The following GABRE variants were observed in gnomAD, a reference collection of about 807,000 sequenced individuals.
The protein encoded by GABRE is gamma-aminobutyric acid type A receptor subunit epsilon, also known as gamma-aminobutyric acid receptor subunit epsilon.
In GABRE, 20 loss-of-function variants were observed where a neutral mutation model predicts 31.0. The observed-to-expected ratio is 0.64, with a 90% confidence interval of 0.45 to 0.94. The LOEUF (loss-of-function observed/expected upper bound fraction) is 0.94. Among genes scored for constraint, GABRE ranks in the 40% least tolerant of loss-of-function variants. The pLI is 0.00. For missense variants in GABRE, 420 were observed against 410.7 expected, an observed-to-expected ratio of 1.02 and a Z score of -0.20; for synonymous variants, 155 against 150.6, an observed-to-expected ratio of 1.03 and a Z score of -0.21.
chrX:151,968,063 ACT>A (rs1300673398), intron 3 of GABRE, among the ~76,000 whole-genome samples: 1 of 112,142 alleles, frequency 8.9e-6, no homozygotes, highest in Non-Finnish European at 1.9e-5. Context: ...CTTCTCTCAT[ACT>A]CTTCCTCACT....
In GABRE at chrX:151,961,651, G is replaced by A. The variant is rs755966257; in HGVS notation, c.564-286C>T. Among the ~76,000 whole-genome samples the A allele has an allele frequency of 2.7e-5, 3 of 110,796 alleles. No individual in the cohort carries two copies. In the South Asian group the frequency reaches 1.1e-3, roughly 42 times the overall value. On this transcript the variant is annotated intron_variant, in intron 4 of 8. Transcript: ENST00000370328. Reference sequence around the variant, plus strand: ...ATTTTTGCATTTTTAGTGGAGACAGGGTTTTCCCATGATGGCCAGGCTGGT... The same window carrying A: ...ATTTTTGCATTTTTAGTGGAGACAGAGTTTTCCCATGATGGCCAGGCTGGT...
Position 151,954,905 on chromosome X carries a change from G to C in GABRE, c.1317C>G (p.Ser439Arg). 7.4e-6 allele frequency: 9 copies of C among 1,210,836 alleles called. No individual in the cohort carries two copies. The highest frequency in any genetic ancestry group is 2.3e-4 in the Middle Eastern group (1 of 4,351). ...PSPGSPEGPR[S>R]LCSKLACCEW... The stretch of plus-strand genomic sequence containing the variant: ...CACAGCAGGCCAGCTTGGAGCAGAG[G>C]CTGCGGGGACCCTCAGGGCTACCTG... The change falls in exon 9 of 9, where the codon AGC becomes AGG. Residue 439 changes from serine (S) to arginine (R), a missense_variant. Transcript: ENST00000370328.
intron 6 of GABRE, 43 bp from the exon 7 acceptor site, chrX:151,955,903 G>T (rs781750336): frequency 8.5e-7 from 1 of 1,178,803 alleles, no homozygotes; most frequent in South Asian, 1.8e-5. Flanking sequence ...GTGCTGACAC[G>T]ACGGTCCCCC....
At chrX:151,971,134 ACTCACC>A in intron 1 of GABRE, 2 of 846,199 alleles carry the variant, frequency 2.4e-6, no homozygotes, top group Admixed American at 1.1e-4. Flanking sequence ...AAGGTATGAA[ACTCACC>A]GATGGTGTTA....
chrX:151,953,369 G>C lies in GABRE; in HGVS notation c.*1332C>G, dbSNP rs1934015787. 1 of 111,200 alleles carries C rather than the reference G, an allele frequency of 9.0e-6. No individual in the cohort carries two copies. Among genetic ancestry groups the C allele is most frequent in the Admixed American group, 9.6e-5 (1 of 10,409 alleles). 9.2% of individuals were successfully genotyped at this position (111,200 alleles called of 1,213,427 possible). On this transcript the variant is annotated 3_prime_UTR_variant, in exon 9 of 9. Transcript: ENST00000370328. ...GAGCTAAAGAGAGGTCGCCATTCTG[G>C]GCCTTGCCACTGGTGTGCCAGCAGA... is the stretch of plus-strand genomic sequence containing the variant.
chrX:151,955,998 T>C (rs926490128), intron 6 of GABRE, 138 bp from the exon 7 acceptor site: 1 of 597,527 alleles, frequency 1.7e-6, no homozygotes, highest in Admixed American at 3.3e-5. Flanking sequence ...ATGCAATACA[T>C]ACAAATAGGA....
intron 1 of GABRE, chrX:151,972,381 T>G (rs1934735756): frequency 1.3e-6 from 1 of 751,430 alleles, no homozygotes; most frequent in Non-Finnish European, 1.6e-6. Context: ...TAAGGGCCAG[T>G]GACTATGGGA....
rs55666211 is a variant in GABRE at position 151,955,770 on chromosome X, G to T, written c.875C>A (p.Thr292Lys). The change falls in exon 7 of 9, where the codon ACG becomes AAG. Residue 292 changes from threonine (T) to lysine (K), a missense_variant. Physicochemically the swap from Thr to Lys is moderately conservative, Grantham distance 78. Coordinates refer to ENST00000370328, the MANE Select transcript of GABRE (RefSeq NM_004961.4). Reference protein sequence around the residue: ...FQNYVPSSVTTMLSWVSFWIK... With the variant: ...FQNYVPSSVTKMLSWVSFWIK... The stretch of plus-strand genomic sequence containing the variant: ...CCAAAAGGAAACCCAGGAGAGCATC[G>T]TGGTCACGGAAGAAGGGACATAGTT... 147 of 1,210,468 alleles carry T rather than the reference G, an allele frequency of 1.2e-4. No individual in the cohort carries two copies. Among genetic ancestry groups the T allele is most frequent in the Non-Finnish European group, 1.6e-4 (142 of 895,192 alleles).
intron 3 of GABRE, among the ~76,000 whole-genome samples, chrX:151,963,964 T>G (rs1934456849): frequency 8.9e-6 from 1 of 112,062 alleles, no homozygotes; most frequent in Admixed American, 9.4e-5. Context: ...CGTGGAAATA[T>G]AAACATGGAA....
chrX:151,974,059 C>G (rs1208261904), intron 1 of GABRE, among the ~76,000 whole-genome samples: 1 of 111,059 alleles, frequency 9.0e-6, no homozygotes, highest in East Asian at 2.9e-4. Context: ...GTGCCTGGAA[C>G]TCAGTAGGCA....
intron 1 of GABRE, 147 bp downstream of exon 1, chrX:151,974,423 G>C: frequency 2.6e-6 from 1 of 377,727 alleles, no homozygotes; most frequent in Non-Finnish European, 4.5e-6. Flanking sequence ...AGGGGACGCG[G>C]GACTCGGCCA....
rs961721530 is a variant in GABRE at position 151,955,739 on chromosome X, C to G, written c.906G>C (p.Lys302Asn). Residue 302 changes from lysine (K) to asparagine (N), a missense_variant, in exon 7 of 9, where the codon AAG becomes AAC. Transcript: ENST00000370328. ...TMLSWVSFWI[K>N]TESAPARTSL... ...AGGTCCGGGCTGGAGCAGACTCTGT[C>G]TTGATCCAAAAGGAAACCCAGGAGA... The G allele has an allele frequency of 8.3e-7, 1 of 1,210,545 alleles. No individual in the cohort carries two copies. Among genetic ancestry groups the G allele is most frequent in the Non-Finnish European group, 1.1e-6 (1 of 895,427 alleles).
intron 1 of GABRE, chrX:151,972,114 G>A (rs1163976515): frequency 6.6e-6 from 5 of 752,228 alleles, no homozygotes; most frequent in Non-Finnish European, 7.8e-6. Flanking sequence ...ACGTTGGCAT[G>A]ACCCCTGTAT....
At chrX:151,956,964 G>A (rs1226458905) in intron 6 of GABRE, 1 of 114,504 alleles carries the variant, frequency 8.7e-6, no homozygotes, top group Non-Finnish European at 1.8e-5. Context: ...CTGAGCCCAG[G>A]ACATCATTTT....
chrX:151,969,629 C>T, intron 3 of GABRE, 40 bp downstream of exon 3: 1 of 1,177,385 alleles, frequency 8.5e-7, no homozygotes, highest in Non-Finnish European at 1.1e-6. Context: ...TAGGTCAGCC[C>T]CTGGGCTAGG....
intron 2 of GABRE, 66 bp downstream of exon 2, chrX:151,970,119 T>C: frequency 8.4e-7 from 1 of 1,185,475 alleles, no homozygotes; most frequent in Non-Finnish European, 1.1e-6. Flanking sequence ...CCAGGTGCAT[T>C]CTCCATGCCT....
At chrX:151,972,471 G>T in intron 1 of GABRE, 2 of 753,739 alleles carry the variant, frequency 2.7e-6, no homozygotes, top group Non-Finnish European at 3.1e-6. Context: ...AGAACTGGCA[G>T]TCAGTGGTAG....
chrX:151,970,680 T>C, intron 1 of GABRE: 1 of 325,836 alleles, frequency 3.1e-6, no homozygotes, highest in South Asian at 5.5e-5. Flanking sequence ...TTTAAAAGAA[T>C]GTTACACGTG....
At chrX:151,960,114 C>T (rs1934314955) in intron 5 of GABRE, 138 bp from the exon 6 acceptor site, 4 of 543,737 alleles carry the variant, frequency 7.4e-6, no homozygotes, top group Non-Finnish European at 8.9e-6. Context: ...GCCTCTCTTA[C>T]CTCATTGTTG....
Sources: allele counts gnomAD v4.1 joint callset (sites outside exome capture counted in the v4.1 genomes callset), GRCh38; gene constraint gnomAD v4.1.1; transcripts MANE v1.5; gene names NCBI Gene and HGNC (gene_info 2026-07-23, HGNC 2026-07-21).